Variants in GMDS observed in about 807,000 individuals in gnomAD.
GMDS encodes the protein GDP-mannose 4,6-dehydratase.
Under a neutral mutation model 49.9 loss-of-function variants are expected in GMDS, and 20 were observed. The ratio of observed to expected loss-of-function variants is 0.40; its 90% CI spans 0.28 to 0.58. The LOEUF is 0.58. Ranked by LOEUF, GMDS falls within the 20% of genes least tolerant of loss-of-function variation. The pLI is 0.42. For synonymous variants in GMDS, 177 were observed against 178.6 expected (o/e 0.99, Z 0.07); for missense variants, 362 against 481.4 (o/e 0.75, Z 2.32).
chr6:1,634,648 A>C (rs946737626), intron 9 of GMDS, among the ~76,000 whole-genome samples: 73 of 152,292 alleles, frequency 4.8e-4, no homozygotes, highest in African/African-American at 1.7e-3. Context: ...GGCTTTGCTT[A>C]GAGCCACAGT....
At position 1,742,529 on chromosome 6, in the gene GMDS, C is replaced by T. The variant is rs752120852; in HGVS notation, c.829G>A (p.Glu277Lys). Reference sequence around the variant, plus strand: ...ACAAATTCCCGGACACTATGGACCTCCCCAGTAGCTATAACGAAGTCCTCC... The same window carrying T: ...ACAAATTCCCGGACACTATGGACCTTCCCAGTAGCTATAACGAAGTCCTCC... ...EPEDFVIATGEVHSVREFVEK... is the reference protein window; with the variant it reads ...EPEDFVIATGKVHSVREFVEK... The change falls in exon 8 of 11, where the codon GAG becomes AAG. Residue 277 changes from glutamate (E) to lysine (K), a missense_variant. By Grantham distance (56) the Glu-to-Lys change is moderately conservative (BLOSUM62 1). Transcript: ENST00000380815. The T allele has an allele frequency of 7.4e-6, 12 of 1,612,518 alleles. No homozygotes were observed. Among genetic ancestry groups the T allele is most frequent in the South Asian group, 2.2e-5 (2 of 91,042 alleles).
intron 9 of GMDS, among the ~76,000 whole-genome samples, chr6:1,655,302 A>G (rs1391241118): frequency 1.3e-5 from 2 of 152,206 alleles, no homozygotes; most frequent in Non-Finnish European, 2.9e-5. Context: ...AATTTTAAAA[A>G]TAATGTGCAG....
At chr6:1,709,929 C>T (rs968385559) in intron 9 of GMDS, among the ~76,000 whole-genome samples, 1 of 152,144 alleles carries the variant, frequency 6.6e-6, no homozygotes, top group African/African-American at 2.4e-5. Context: ...AGAGTTTTTG[C>T]TTCATGCAGC....
In GMDS at chr6:1,624,029, G is replaced by GCGGC. The variant is rs1762767624; in HGVS notation, c.*136_*139dup. ...ACCTCGGCGGGGCGGCCCCGCTCTT[G>GCGGC]CGGCCGGGACAGCGCAGCGGCAGCA... On this transcript the variant is annotated 3_prime_UTR_variant, in exon 11 of 11. Coordinates refer to ENST00000380815, the MANE Select transcript of GMDS (RefSeq NM_001500.4). 1.4e-6 allele frequency: 1 copy of GCGGC among 700,454 alleles called. No individual in the cohort carries two copies. The highest frequency in any genetic ancestry group is 2.3e-6 in the Non-Finnish European group (1 of 426,116). 43.4% of individuals were successfully genotyped at this position (700,454 alleles called of 1,614,324 possible).
intron 9 of GMDS, among the ~76,000 whole-genome samples, chr6:1,643,204 T>C (rs1421444252): frequency 6.6e-6 from 1 of 152,192 alleles, no homozygotes; most frequent in Admixed American, 6.5e-5. Context: ...GGTGCCCTCA[T>C]AGAAGGTGTC....
At chr6:1,720,264 A>G (rs956919570) in intron 9 of GMDS, among the ~76,000 whole-genome samples, 22 of 152,294 alleles carry the variant, frequency 1.4e-4, no homozygotes, top group Admixed American at 1.1e-3. Flanking sequence ...CCCAGGCTTC[A>G]GGAGGAATGT....
chr6:1,624,758 C>T (rs1049309469), intron 9 of GMDS: 3 of 495,194 alleles, frequency 6.1e-6, no homozygotes, highest in Non-Finnish European at 1.1e-5. Flanking sequence ...CCGTGAGGAC[C>T]GTGACCGCGA....
At chr6:2,212,686 T>C (rs1460407354) in intron 1 of GMDS, among the ~76,000 whole-genome samples, 3 of 128,014 alleles carry the variant, frequency 2.3e-5, no homozygotes, top group African/African-American at 8.7e-5. Flanking sequence ...TTTCCACTTA[T>C]ACCAAAATTA....
chr6:2,069,174 C>A (rs1357394330), intron 4 of GMDS, among the ~76,000 whole-genome samples: 1 of 152,128 alleles, frequency 6.6e-6, no homozygotes, highest in Non-Finnish European at 1.5e-5. Context: ...GGAAAGGATT[C>A]CCTATTTAAT....
In GMDS at chr6:1,766,658, G is replaced by A. The variant is rs1181520292; in HGVS notation, c.772-24072C>T. ...AGCCTGCAGAGGCTCTCCCCTTCTA[G>A]AAGGCCCAGCAAGCGCCCCGTTTCC... On this transcript the variant is annotated intron_variant, in intron 7 of 10. Coordinates refer to ENST00000380815, the MANE Select transcript of GMDS (RefSeq NM_001500.4). This position sits in a 1 kb window ranked among gnomAD's most constrained non-coding sequence, Gnocchi z 4.5. 6.6e-6 allele frequency among the ~76,000 whole-genome samples: 1 copy of A among 152,162 alleles called. No individual in the cohort carries two copies. Among genetic ancestry groups the A allele is most frequent in the Non-Finnish European group, 1.5e-5 (1 of 68,022 alleles).
intron 2 of GMDS, among the ~76,000 whole-genome samples, chr6:2,120,194 C>A (rs962895541): frequency 6.6e-6 from 1 of 152,096 alleles, no homozygotes; most frequent in Non-Finnish European, 1.5e-5. Flanking sequence ...ATCACAACAC[C>A]CTTACTATAA....
intron 6 of GMDS, among the ~76,000 whole-genome samples, chr6:1,941,699 T>G (rs1762831514): frequency 1.3e-5 from 2 of 152,086 alleles, no homozygotes; most frequent in African/African-American, 2.4e-5. Context: ...CTTTGCATGC[T>G]GAGGGAAAGA....
chr6:2,190,365 A>G (rs1036803123), intron 1 of GMDS, among the ~76,000 whole-genome samples: 2 of 152,232 alleles, frequency 1.3e-5, no homozygotes, highest in Non-Finnish European at 2.9e-5. Context: ...TATACTGTGA[A>G]ATTCACATAA....
At chr6:1,997,280 T>C (rs895344609) in intron 4 of GMDS, among the ~76,000 whole-genome samples, 2 of 151,810 alleles carry the variant, frequency 1.3e-5, no homozygotes, top group South Asian at 2.1e-4. Context: ...GAGGCCAAGG[T>C]GGGCAAATCA....
intron 6 of GMDS, among the ~76,000 whole-genome samples, chr6:1,936,597 G>A (rs1477282101): frequency 2.0e-5 from 3 of 152,120 alleles, no homozygotes; most frequent in East Asian, 1.9e-4. Flanking sequence ...CCACATCTAC[G>A]TCCCATATAG....
chr6:1,752,841 A>G (rs1010911164), intron 7 of GMDS, among the ~76,000 whole-genome samples: 2 of 152,222 alleles, frequency 1.3e-5, no homozygotes, highest in African/African-American at 4.8e-5. Flanking sequence ...ATGCTGAGAG[A>G]TTTTGTCACC....
rs895840816 is a variant in GMDS at position 1,783,552 on chromosome 6, C to T, written c.772-40966G>A. Among the ~76,000 whole-genome samples the T allele has an allele frequency of 3.9e-5, 6 of 152,242 alleles. No homozygotes were observed. In the East Asian group the frequency reaches 1.2e-3, roughly 29 times the overall value. On this transcript the variant is annotated intron_variant, in intron 7 of 10. Coordinates refer to ENST00000380815, the MANE Select transcript of GMDS (RefSeq NM_001500.4). ...AGGAGCACGATTCTCTTATTGTTTG[C>T]AATATAGAATCTGAATAAAATTAGT... is the stretch of plus-strand genomic sequence containing the variant.
intron 4 of GMDS, among the ~76,000 whole-genome samples, chr6:2,018,935 C>G (rs963310182): frequency 2.0e-5 from 3 of 152,066 alleles, no homozygotes; most frequent in Non-Finnish European, 4.4e-5. Flanking sequence ...GTGGCTACAT[C>G]ACTTTACATT....
chr6:1,960,309 T>C (rs1418097452), intron 5 of GMDS, among the ~76,000 whole-genome samples: 1 of 152,224 alleles, frequency 6.6e-6, no homozygotes, highest in African/African-American at 2.4e-5. Flanking sequence ...TCCAACTGCT[T>C]TGAAATTTTA....
Sources: allele counts gnomAD v4.1 joint callset (sites outside exome capture counted in the v4.1 genomes callset), GRCh38; gene constraint gnomAD v4.1.1; non-coding constraint Gnocchi (gnomAD v3.1); transcripts MANE v1.5; gene names NCBI Gene and HGNC (gene_info 2026-07-23, HGNC 2026-07-21).